The following MYO1H variants were observed in gnomAD, a reference collection of about 807,000 sequenced individuals.
The protein encoded by MYO1H is unconventional myosin-Ih.
MYO1H carries 118 observed loss-of-function variants against 149.3 expected under a neutral mutation model. The observed-to-expected ratio is 0.79, with a 90% CI of 0.68 to 0.92. The LOEUF (loss-of-function observed/expected upper bound fraction) is 0.92, where lower values mean the gene tolerates loss of function less well. MYO1H is among the 40% of genes least tolerant of loss of function. The pLI, the probability that MYO1H is intolerant of heterozygous loss-of-function variation, is 0.00. For missense variants in MYO1H, 1,212 were observed against 1,280.7 expected (o/e 0.95, Z 0.82); for synonymous variants, 447 against 465.2 (o/e 0.96, Z 0.50).
chr12:109,361,808 T>A (rs1229878382), intron 1 of MYO1H, among the ~76,000 whole-genome samples: 2 of 97,626 alleles, frequency 2.0e-5, no homozygotes. Context: ...CAAGACCTTG[T>A]CTCACAAAAA....
the MYO1H span, among the ~76,000 whole-genome samples, chr12:109,340,246 T>TCTCA: frequency 6.6e-6 from 1 of 152,154 alleles, no homozygotes; most frequent in Non-Finnish European, 1.5e-5. Context: ...GTGGCATGAT[T>TCTCA]CTCAGCTCAC....
intron 19 of MYO1H, among the ~76,000 whole-genome samples, chr12:109,429,386 G>A (rs572114800): frequency 6.6e-6 from 1 of 151,756 alleles, no homozygotes; most frequent in East Asian, 1.9e-4. Context: ...CACATCTGAG[G>A]ATTCACCCAA....
intron 18 of MYO1H, among the ~76,000 whole-genome samples, chr12:109,426,951 T>C (rs140765946): frequency 6.6e-6 from 1 of 152,294 alleles, no homozygotes; most frequent in African/African-American, 2.4e-5. Context: ...GGCCTCAGGA[T>C]AGCCAGATCT....
chr12:109,417,372 G>T lies in MYO1H; in HGVS notation c.1597+1752G>T, dbSNP rs112549203. 8.0e-4 allele frequency among the ~76,000 whole-genome samples: 122 copies of T among 152,198 alleles called. 2 individuals carry two copies. The highest frequency in any genetic ancestry group is 2.8e-3 in the African/African-American group (116 of 41,522). ...ATGTGATGTTCTGCTCTGTCTCCCA[G>T]GCTGGCGTGCAGTGGCATGATCTCG... On this transcript the variant is annotated intron_variant, in intron 15 of 31. Coordinates refer to ENST00000310903, the Ensembl canonical transcript of MYO1H.
chr12:109,433,940 A>G (rs1871747064), intron 20 of MYO1H, among the ~76,000 whole-genome samples: 1 of 152,134 alleles, frequency 6.6e-6, no homozygotes, highest in African/African-American at 2.4e-5. Context: ...ACTTTCCCTC[A>G]CCAGGCCTGG....
chr12:109,332,851 A>G, the MYO1H span, among the ~76,000 whole-genome samples: 2 of 152,188 alleles, frequency 1.3e-5, no homozygotes, highest in Non-Finnish European at 2.9e-5. Context: ...CCAAGGTGCT[A>G]GGATTACAGG....
exon 32 of MYO1H, chr12:109,447,467 G>C (rs889739847): frequency 1.7e-5 from 9 of 530,334 alleles, no homozygotes; most frequent in Non-Finnish European, 3.1e-5. Context: ...TCAGTGCGCA[G>C]TCCAACGTGT....
At chr12:109,403,886 T>C (rs1463040204) in intron 6 of MYO1H, 96 bp from the exon 7 acceptor site, 14 of 757,306 alleles carry the variant, frequency 1.8e-5, no homozygotes, top group Non-Finnish European at 3.0e-5. Context: ...TTCAGTACAT[T>C]ATATAGGACT....
At position 109,424,784 on chromosome 12, in the gene MYO1H, T is replaced by A. The variant is rs1295809253; in HGVS notation, c.1681T>A (p.Cys561Ser). 1 of 1,613,870 alleles carries A rather than the reference T, an allele frequency of 6.2e-7. No homozygotes were observed. Among genetic ancestry groups the A allele is most frequent in the Non-Finnish European group, 8.5e-7 (1 of 1,179,892 alleles). Reference sequence around the variant, plus strand: ...GTCCAAGAACATTATCCTGAGGGAATGCTTCCTGCTGGCCGAGTTAGAAAA... The same window carrying A: ...GTCCAAGAACATTATCCTGAGGGAAAGCTTCCTGCTGGCCGAGTTAGAAAA... The change falls in exon 17 of 32, where the codon TGC (cysteine) becomes AGC (serine). Residue 561 changes from cysteine (C) to serine (S), a missense_variant. Transcript: ENST00000310903.
Position 109,407,685 on chromosome 12 carries a change from G to A in MYO1H, c.1036-109G>A, listed in dbSNP as rs111892336. On this transcript the variant is annotated intron_variant, in intron 9 of 31. Coordinates refer to ENST00000310903, the Ensembl canonical transcript of MYO1H. ...TGCATTCCAGGCTGGGCAGCAGAGCGAGACCCTGTCTCATTATTTTATTTT... is the reference window on the plus strand; with the variant it reads ...TGCATTCCAGGCTGGGCAGCAGAGCAAGACCCTGTCTCATTATTTTATTTT... 5.4e-4 allele frequency: 660 copies of A among 1,223,880 alleles called. 6 individuals are homozygous for A. The African/African-American group carries it at 9.1e-3, about 17-fold the overall frequency. 75.8% of individuals were successfully genotyped at this position (1,223,880 alleles called of 1,614,324 possible).
At chr12:109,344,715 T>C (rs1327037661), upstream of MYO1H, among the ~76,000 whole-genome samples, 1 of 152,212 alleles carries the variant, frequency 6.6e-6, no homozygotes, top group Non-Finnish European at 1.5e-5. Flanking sequence ...ATGTTTTACA[T>C]TTCCTGATTT....
intron 1 of MYO1H, among the ~76,000 whole-genome samples, chr12:109,378,012 A>G (rs1027553160): frequency 6.6e-6 from 1 of 152,132 alleles, no homozygotes; most frequent in Non-Finnish European, 1.5e-5. Context: ...AAACATAACC[A>G]CTATGCCATA....
intron 1 of MYO1H, among the ~76,000 whole-genome samples, chr12:109,377,890 A>G (rs2137021482): frequency 6.6e-6 from 1 of 152,244 alleles, no homozygotes; most frequent in African/African-American, 2.4e-5. Flanking sequence ...GTGATGTCTT[A>G]CCTCCTTCCC....
chr12:109,352,711 C>A (rs1868490856), intron 1 of MYO1H, among the ~76,000 whole-genome samples: 1 of 152,206 alleles, frequency 6.6e-6, no homozygotes, highest in Non-Finnish European at 1.5e-5. Flanking sequence ...TTTCATCTAT[C>A]TATCCCTGTA....
intron 1 of MYO1H, among the ~76,000 whole-genome samples, chr12:109,370,525 G>A (rs1868959433): frequency 6.6e-6 from 1 of 152,182 alleles, no homozygotes; most frequent in Admixed American, 6.5e-5. Context: ...AGTTGTTGTG[G>A]GTAATACATG....
exon 30 of MYO1H, chr12:109,444,484 T>G: frequency 6.2e-7 from 1 of 1,614,028 alleles, no homozygotes. Flanking sequence ...ACTAAACTCG[T>G]CATGCTGGTT....
the MYO1H span, among the ~76,000 whole-genome samples, chr12:109,341,617 T>A: frequency 5.7e-5 from 6 of 104,696 alleles, no homozygotes; most frequent in East Asian, 1.4e-3. Flanking sequence ...TGGAGGCTGT[T>A]TGCGGGAGAA....
intron 1 of MYO1H, among the ~76,000 whole-genome samples, chr12:109,362,440 T>G (rs1475163225): frequency 6.6e-6 from 1 of 152,210 alleles, no homozygotes; most frequent in Non-Finnish European, 1.5e-5. Flanking sequence ...CTTTGCAGGT[T>G]CATGACTGAG....
chr12:109,445,614 T>C lies in MYO1H; in HGVS notation c.3093+2T>C, dbSNP rs1233381400. On this transcript the variant is annotated splice_donor_variant, in intron 31 of 31. Coordinates refer to ENST00000310903, the Ensembl canonical transcript of MYO1H. LOFTEE classifies it high-confidence loss of function. ...AATAAAAATGGACAATTAACAGTGG[T>C]GAGTGGCCGTCTCTGGGAGGGAAGT... 1 of 1,608,926 alleles carries C rather than the reference T, an allele frequency of 6.2e-7. No individual in the cohort carries two copies. Among genetic ancestry groups the C allele is most frequent in the Non-Finnish European group, 8.5e-7 (1 of 1,178,742 alleles).
Sources: gnomAD v4.1 joint callset for allele counts (sites outside exome capture counted in the v4.1 genomes callset) on GRCh38, gnomAD v4.1.1 for gene constraint, MANE v1.5 for transcripts, NCBI Gene and HGNC (gene_info 2026-07-23, HGNC 2026-07-21) for gene names.